Variants in TOMM34 observed in about 807,000 individuals in gnomAD.
The protein encoded by TOMM34 is translocase of outer mitochondrial membrane 34, also known as mitochondrial import receptor subunit TOM34.
Under a neutral mutation model 37.4 loss-of-function variants are expected in TOMM34, and 24 were observed. That is an observed-to-expected ratio of 0.64 (90% CI 0.46 to 0.90). The LOEUF (loss-of-function observed/expected upper bound fraction) is 0.90. Among genes scored for constraint, TOMM34 ranks in the 40% least tolerant of loss-of-function variants. The pLI is 0.00. For missense variants in TOMM34, 304 were observed against 375.6 expected (o/e 0.81, Z 1.58); for synonymous variants, 154 against 148.9 (o/e 1.03, Z -0.25).
At position 44,960,365 on chromosome 20, in the gene TOMM34, T is replaced by G; in HGVS notation, c.-32A>C. 6.5e-6 allele frequency: 10 copies of G among 1,532,736 alleles called. No individual in the cohort carries two copies. The highest frequency in any genetic ancestry group is 8.8e-6 in the Non-Finnish European group (10 of 1,136,718). The allele number at this position is 1,532,736 out of a possible 1,614,324, so 94.9% of individuals were successfully genotyped here. ...GCCAGGCCGGCGAGTTGGGAGCTCC[T>G]TCCTTCCTCCCCCGTGTGGTGCGGC... On this transcript the variant is annotated 5_prime_UTR_variant, in exon 1 of 7. Coordinates refer to ENST00000372813, the MANE Select transcript of TOMM34 (RefSeq NM_006809.5).
chr20:44,956,206 G>A (rs2067071249), intron 2 of TOMM34, among the ~76,000 whole-genome samples, 180 bp downstream of exon 2: 1 of 152,154 alleles, frequency 6.6e-6, no homozygotes, highest in Non-Finnish European at 1.5e-5. Context: ...GCAAGTCACG[G>A]GCCATAAGGA....
intron 1 of TOMM34, 150 bp downstream of exon 1, chr20:44,960,057 C>T (rs2067111722): frequency 7.2e-7 from 1 of 1,386,804 alleles, no homozygotes; most frequent in Non-Finnish European, 9.3e-7. Flanking sequence ...AAGAAAGGGC[C>T]GAGGAAGTTT....
At chr20:44,955,259 G>A in intron 2 of TOMM34, 39 bp from the exon 3 acceptor site, 1 of 1,605,504 alleles carries the variant, frequency 6.2e-7, no homozygotes, top group East Asian at 2.2e-5. Flanking sequence ...GCTGGCTGCT[G>A]AGCCACCAGG....
At chr20:44,946,076 C>A (rs2066978748) in intron 5 of TOMM34, among the ~76,000 whole-genome samples, 2 of 152,174 alleles carry the variant, frequency 1.3e-5, no homozygotes, top group South Asian at 4.1e-4. Flanking sequence ...CCAGCCTGGT[C>A]TCAAACTCCT....
chr20:44,955,265 C>G, intron 2 of TOMM34, 45 bp from the exon 3 acceptor site: 2 of 1,601,622 alleles, frequency 1.2e-6, no homozygotes, highest in Non-Finnish European at 1.7e-6. Flanking sequence ...TGCTGAGCCA[C>G]CAGGGTTTCC....
At chr20:44,955,520 TG>T (rs1452589616) in intron 2 of TOMM34, 5 of 513,546 alleles carry the variant, frequency 9.7e-6, no homozygotes, top group African/African-American at 9.6e-5. Flanking sequence ...CATGCTACTA[TG>T]TTTTTTTACA....
At chr20:44,960,159 G>A (rs1387355321) in intron 1 of TOMM34, 48 bp downstream of exon 1, 1 of 1,523,022 alleles carries the variant, frequency 6.6e-7, no homozygotes, top group Non-Finnish European at 8.8e-7. Flanking sequence ...GGTGGTTGCG[G>A]GAGTTGGAGG....
chr20:44,943,623 G>A (rs757239265), intron 5 of TOMM34, 44 bp from the exon 6 acceptor site: 6 of 1,611,850 alleles, frequency 3.7e-6, no homozygotes, highest in Non-Finnish European at 5.1e-6. Flanking sequence ...ACGTCTTATG[G>A]GCCACCCACA....
rs769503243 is a variant in TOMM34 at position 44,955,080 on chromosome 20, T to C, written c.368A>G (p.Glu123Gly). 6.2e-7 allele frequency: 1 copy of C among 1,614,192 alleles called. No homozygotes were observed. Among genetic ancestry groups the C allele is most frequent in the South Asian group, 1.1e-5 (1 of 91,078 alleles). The change falls in exon 3 of 7, where the codon GAA becomes GGA. Residue 123 changes from glutamate to glycine, a missense_variant. Physicochemically the swap from Glu to Gly is moderately conservative, Grantham distance 98 (BLOSUM62 -2). Coordinates refer to ENST00000372813, the MANE Select transcript of TOMM34 (RefSeq NM_006809.5). ...GAATGGAGCTCACCTGTTGATGCCT[T>C]CTACGGCTGACGTCACATTATCATC... The part of the protein sequence containing the change: ...QIDDNVTSAV[E>G]GINRMTRALM...
At chr20:44,958,832 CAAGT>C (rs2067100063) in intron 1 of TOMM34, 1 of 150,436 alleles carries the variant, frequency 6.6e-6, no homozygotes, top group African/African-American at 2.5e-5. Flanking sequence ...GCAACTTCAT[CAAGT>C]AAGGCTGCCA....
At chr20:44,948,997 C>G (rs912462372) in intron 4 of TOMM34, 120 bp from the exon 5 acceptor site, 23 of 1,300,406 alleles carry the variant, frequency 1.8e-5, no homozygotes, top group Non-Finnish European at 2.3e-5. Flanking sequence ...GAGATTTCCT[C>G]CCCTGCTGTA....
rs2067015363 is a variant in TOMM34, at chr20:44,950,330, T to C, written c.551-1453A>G. Among the ~76,000 whole-genome samples the C allele has an allele frequency of 5.3e-5, 8 of 152,164 alleles. No individual in the cohort carries two copies. In the South Asian group the frequency reaches 1.7e-3, roughly 32 times the overall value. On this transcript the variant is annotated intron_variant, in intron 4 of 6. Coordinates refer to ENST00000372813, the MANE Select transcript of TOMM34 (RefSeq NM_006809.5). Reference sequence around the variant, plus strand: ...CACCTCCATTGCCACCCCTTCTGAGTCTTTCCCCGACTCCCTCATGCACTT... The same window carrying C: ...CACCTCCATTGCCACCCCTTCTGAGCCTTTCCCCGACTCCCTCATGCACTT...
intron 5 of TOMM34, among the ~76,000 whole-genome samples, chr20:44,945,863 C>CT (rs748536596): frequency 5.5e-4 from 80 of 146,522 alleles, no homozygotes; most frequent in South Asian, 1.7e-3. Context: ...AGAAGAATTC[C>CT]TTTTTTTTTT....
chr20:44,955,200 A>C lies in TOMM34; in HGVS notation c.248T>G (p.Phe83Cys), dbSNP rs2067061132. Reference sequence around the variant, plus strand: ...TCGCCGCAGCAGGGGCTTAATGCTGAAGGGAACCAAGGCCAGTGCTCTAGA... The same window carrying C: ...TCGCCGCAGCAGGGGCTTAATGCTGCAGGGAACCAAGGCCAGTGCTCTAGA... ...DCTSALALVP[F>C]SIKPLLRRAS... Residue 83 changes from phenylalanine (F) to cysteine (C), a missense_variant, in exon 3 of 7, where the codon TTC (phenylalanine) becomes TGC (cysteine). Coordinates refer to ENST00000372813, the MANE Select transcript of TOMM34 (RefSeq NM_006809.5). The C allele has an allele frequency of 6.2e-7, 1 of 1,614,138 alleles. No individual in the cohort carries two copies. The highest frequency in any genetic ancestry group is 2.2e-5 in the East Asian group (1 of 44,886).
chr20:44,958,435 G>C (rs756071420), intron 1 of TOMM34: 1 of 469,850 alleles, frequency 2.1e-6, no homozygotes, highest in South Asian at 1.6e-5. Flanking sequence ...ACCAGAGTAC[G>C]GTTGCTCAGA....
At chr20:44,957,043 G>A (rs760460747) in intron 1 of TOMM34, among the ~76,000 whole-genome samples, 13 of 152,148 alleles carry the variant, frequency 8.5e-5, no homozygotes, top group Non-Finnish European at 1.8e-4. Context: ...TAATTGAGCT[G>A]GGTGTGATGG....
intron 3 of TOMM34, among the ~76,000 whole-genome samples, chr20:44,954,217 C>T (rs964099181): frequency 1.3e-5 from 2 of 152,214 alleles, no homozygotes; most frequent in African/African-American, 4.8e-5. Context: ...TGTGCTGCCT[C>T]CTACCATGGC....
At chr20:44,959,252 T>C (rs1301704445) in intron 1 of TOMM34, among the ~76,000 whole-genome samples, 4 of 152,140 alleles carry the variant, frequency 2.6e-5, no homozygotes, top group Non-Finnish European at 4.4e-5. Flanking sequence ...GAACGGTGAC[T>C]CACAGAAACC....
At chr20:44,945,984 A>G (rs1163386053) in intron 5 of TOMM34, among the ~76,000 whole-genome samples, 3 of 151,992 alleles carry the variant, frequency 2.0e-5, no homozygotes, top group Non-Finnish European at 2.9e-5. Flanking sequence ...CAGCCTCCCG[A>G]GTAGCTGGGA....
Sources: allele counts gnomAD v4.1 joint callset (sites outside exome capture counted in the v4.1 genomes callset), GRCh38; gene constraint gnomAD v4.1.1; transcripts MANE v1.5; gene names NCBI Gene and HGNC (gene_info 2026-07-23, HGNC 2026-07-21).